NDST1: variants seen among roughly 807,000 people sequenced by gnomAD.
NDST1 encodes bifunctional heparan sulfate N-deacetylase/N-sulfotransferase 1.
A neutral mutation model predicts 92.8 loss-of-function variants in NDST1; 35 were observed. The ratio of observed to expected loss-of-function variants is 0.38; its 90% CI spans 0.29 to 0.50. NDST1 has a LOEUF of 0.50. Ranked by LOEUF, NDST1 falls within the 20% of genes least tolerant of loss-of-function variation. The pLI is 0.94. For synonymous variants in NDST1, 493 were observed against 500.3 expected, an observed-to-expected ratio of 0.99 and a Z score of 0.19; for missense variants, 822 against 1,182.7, an observed-to-expected ratio of 0.69 and a Z score of 4.47.
chr5:150,542,942 T>C lies in NDST1; in HGVS notation c.1941T>C (p.Asn647=), dbSNP rs1397382164. 7 of 1,614,086 alleles carry C rather than the reference T, an allele frequency of 4.3e-6. No individual in the cohort carries two copies. Among genetic ancestry groups the C allele is most frequent in the Non-Finnish European group, 5.9e-6 (7 of 1,179,966 alleles). ...SETFEEIQFF[N]GHNYHKGIDW... is the part of the protein sequence containing the mutation. Reference sequence around the variant, plus strand: ...CCTTTGAGGAGATCCAGTTTTTTAATGGCCACAACTATCACAAAGGCATCG... The same window carrying C: ...CCTTTGAGGAGATCCAGTTTTTTAACGGCCACAACTATCACAAAGGCATCG... Residue 647 remains asparagine, a synonymous_variant, in exon 10 of 15, where the codon AAT becomes AAC. Coordinates refer to ENST00000261797, the MANE Select transcript of NDST1 (RefSeq NM_001543.5).
chr5:150,552,813 G>T (rs1477602982), intron 14 of NDST1, among the ~76,000 whole-genome samples: 1 of 152,048 alleles, frequency 6.6e-6, no homozygotes, highest in East Asian at 1.9e-4. Context: ...AGAGGTGTAT[G>T]GGGGGTGGTG....
At chr5:150,513,592 G>A (rs1394287588) in intron 1 of NDST1, among the ~76,000 whole-genome samples, 1 of 152,218 alleles carries the variant, frequency 6.6e-6, no homozygotes, top group Non-Finnish European at 1.5e-5. Context: ...GCCCTTCTAA[G>A]GAGGCCTGCT....
chr5:150,527,908 G>A lies in NDST1; in HGVS notation c.618G>A (p.Leu206=). ...KDCSINPKSP[L]LYVTRPSEVE... ...GCAGCATCAACCCCAAGTCCCCGCT[G>A]CTCTACGTGACGCGACCTAGCGAGG... The change falls in exon 3 of 15, where the codon CTG becomes CTA. Residue 206 remains leucine (L), a synonymous_variant. Coordinates refer to ENST00000261797, the MANE Select transcript of NDST1 (RefSeq NM_001543.5). 1 of 1,614,188 alleles carries A rather than the reference G, an allele frequency of 6.2e-7. No individual in the cohort carries two copies. The highest frequency in any genetic ancestry group is 8.5e-7 in the Non-Finnish European group (1 of 1,180,032).
chr5:150,510,426 T>C (rs76084462), intron 1 of NDST1, among the ~76,000 whole-genome samples: 2,799 of 152,278 alleles, frequency 0.018, 93 homozygotes, highest in African/African-American at 0.063. Flanking sequence ...TTTGGGAAGA[T>C]TTGTGGCCAC....
chr5:150,554,335 T>TTTTATATATA lies in NDST1; in HGVS notation c.*1004_*1005insTTATATATAT, dbSNP rs371191771. 1 of 138,166 alleles carries TTTTATATATA rather than the reference T, an allele frequency of 7.2e-6. No homozygotes were observed. The highest frequency in any genetic ancestry group is 1.5e-5 in the Non-Finnish European group (1 of 66,406). 8.6% of individuals were successfully genotyped at this position (138,166 alleles called of 1,614,324 possible). Reference sequence around the variant, plus strand: ...CCCTGGGTGCTGGGGTCGCACTGTGTTATATATATATATATATATATATAA... The same window carrying TTTTATATATA: ...CCCTGGGTGCTGGGGTCGCACTGTGTTTTATATATATATATATATATATATATATATATAA... On this transcript the variant is annotated 3_prime_UTR_variant, in exon 15 of 15. Transcript: ENST00000261797.
At chr5:150,502,714 A>G (rs990560745) in intron 1 of NDST1, among the ~76,000 whole-genome samples, 3 of 151,632 alleles carry the variant, frequency 2.0e-5, no homozygotes, top group Non-Finnish European at 4.4e-5. Context: ...ACGAGGAAAA[A>G]GGCAGATTCT....
At chr5:150,545,224 T>C (rs1581405332) in intron 10 of NDST1, 88 bp from the exon 11 acceptor site, 3 of 1,474,174 alleles carry the variant, frequency 2.0e-6, no homozygotes, top group Non-Finnish European at 9.5e-7. Flanking sequence ...GAGGACATTC[T>C]ACCCCAGTGC....
At chr5:150,538,658 A>T (rs1755100110) in intron 6 of NDST1, among the ~76,000 whole-genome samples, 1 of 152,108 alleles carries the variant, frequency 6.6e-6, no homozygotes, top group Non-Finnish European at 1.5e-5. Flanking sequence ...AGGTTTGTAC[A>T]TTTGTCCATC....
At chr5:150,536,520 T>A (rs1322121154) in intron 6 of NDST1, among the ~76,000 whole-genome samples, 11 of 140,326 alleles carry the variant, frequency 7.8e-5, no homozygotes, top group African/African-American at 1.5e-4. Flanking sequence ...AAAAAAAAAA[T>A]TTTTTTTTCC....
At chr5:150,526,194 G>T (rs1754469096) in intron 2 of NDST1, among the ~76,000 whole-genome samples, 1 of 152,182 alleles carries the variant, frequency 6.6e-6, no homozygotes, top group African/African-American at 2.4e-5. Flanking sequence ...GAGACCTCCT[G>T]AGCCCACTAA....
chr5:150,538,144 A>C (rs2151291730), intron 6 of NDST1, among the ~76,000 whole-genome samples: 1 of 152,322 alleles, frequency 6.6e-6, no homozygotes, highest in Admixed American at 6.5e-5. Flanking sequence ...AAAGGCCCTG[A>C]AGCGGGCTGT....
At chr5:150,537,385 A>G (rs58506634) in intron 6 of NDST1, among the ~76,000 whole-genome samples, 5,403 of 152,332 alleles carry the variant, frequency 0.035, 334 homozygotes, top group East Asian at 0.29. Context: ...TCTCAGCAAG[A>G]AACATCCCTA....
Position 150,557,703 on chromosome 5 carries a change from G to C in NDST1, c.*4371G>C, listed in dbSNP as rs1409571930. 6.6e-6 allele frequency: 1 copy of C among 152,454 alleles called. No homozygotes were observed. The highest frequency in any genetic ancestry group is 1.5e-5 in the Non-Finnish European group (1 of 68,096). 9.4% of individuals were successfully genotyped at this position (152,454 alleles called of 1,614,324 possible). A position where few individuals can be genotyped will look rare whatever the true frequency, so the allele number is the denominator to read the frequency against. The stretch of plus-strand genomic sequence containing the variant: ...TGCCCAGGCCGTTGAGGCAACACTG[G>C]GTTCCTGGCTTGACAGCTGTGGGCT... On this transcript the variant is annotated 3_prime_UTR_variant, in exon 15 of 15. Coordinates refer to ENST00000261797, the MANE Select transcript of NDST1 (RefSeq NM_001543.5). The surrounding 1 kb of genome is among the most constrained non-coding windows in gnomAD (Gnocchi z 4.7).
chr5:150,526,539 A>G (rs1009913593), intron 2 of NDST1, among the ~76,000 whole-genome samples: 2 of 152,198 alleles, frequency 1.3e-5, no homozygotes, highest in Non-Finnish European at 2.9e-5. Flanking sequence ...GCTGGGTATC[A>G]AGCTGGGCAC....
chr5:150,538,812 A>G (rs749496957), intron 6 of NDST1, among the ~76,000 whole-genome samples: 8 of 152,132 alleles, frequency 5.3e-5, no homozygotes, highest in Admixed American at 5.2e-4. Flanking sequence ...TCACAGTTTC[A>G]TGAGGGGAGA....
intron 2 of NDST1, among the ~76,000 whole-genome samples, chr5:150,524,517 CCT>C (rs1047647422): frequency 3.9e-5 from 6 of 152,230 alleles, no homozygotes; most frequent in African/African-American, 1.4e-4. Context: ...GAGTACCTGA[CCT>C]CTTTCATTGA....
chr5:150,544,035 C>T (rs1287895123), intron 10 of NDST1, among the ~76,000 whole-genome samples: 1 of 152,232 alleles, frequency 6.6e-6, no homozygotes, highest in East Asian at 1.9e-4. Flanking sequence ...GCCTCGGCCT[C>T]CCAAAGTGCT....
rs1363245618 is a variant in NDST1 at position 150,540,240 on chromosome 5, C to T, written c.1725C>T (p.Ser575=). ...CGCAGAAGTACTTCCAGATCTTCTCCGAGGAGAAGGACCCGCTCTGGCAGG... is the reference window on the plus strand; with the variant it reads ...CGCAGAAGTACTTCCAGATCTTCTCTGAGGAGAAGGACCCGCTCTGGCAGG... ...QLAQKYFQIF[S]EEKDPLWQDP... is the part of the protein sequence containing the mutation. Residue 575 remains serine (S), a synonymous_variant, in exon 8 of 15, where the codon TCC becomes TCT. Coordinates refer to ENST00000261797, the MANE Select transcript of NDST1 (RefSeq NM_001543.5). The T allele has an allele frequency of 1.2e-5, 20 of 1,610,830 alleles. 1 individual carries two copies. In the Middle Eastern group the frequency reaches 5.1e-4, roughly 41 times the overall value.
In NDST1 at chr5:150,545,055, C is replaced by T. The variant is rs568169467; in HGVS notation, c.1971-257C>T. On this transcript the variant is annotated intron_variant, in intron 10 of 14. Transcript: ENST00000261797. ...CCCCCTCCCCATGACCTGCAACTGCCGGCGCACCCACAAGTCTTCAGATCC... is the reference window on the plus strand; with the variant it reads ...CCCCCTCCCCATGACCTGCAACTGCTGGCGCACCCACAAGTCTTCAGATCC... Among the ~76,000 whole-genome samples, 22 of 152,286 alleles carry T rather than the reference C, an allele frequency of 1.4e-4. No individual in the cohort carries two copies. In the East Asian group the frequency reaches 4.1e-3, roughly 28 times the overall value.
Sources: gnomAD v4.1 joint callset for allele counts (sites outside exome capture counted in the v4.1 genomes callset) on GRCh38, gnomAD v4.1.1 for gene constraint, Gnocchi (gnomAD v3.1) non-coding constraint, MANE v1.5 for transcripts, NCBI Gene and HGNC (gene_info 2026-07-23, HGNC 2026-07-21) for gene names.